Variants in CNTNAP4 observed in about 807,000 individuals in gnomAD.
CNTNAP4 encodes contactin associated protein family member 4.
Under a neutral mutation model 148.4 loss-of-function variants are expected in CNTNAP4, and 98 were observed. That is an observed-to-expected ratio of 0.66 (90% CI 0.56 to 0.78). The LOEUF is 0.78. Among genes scored for constraint, CNTNAP4 ranks in the 30% least tolerant of loss-of-function variants. The pLI, the probability that CNTNAP4 is intolerant of heterozygous loss-of-function variation, is 0.00. For missense variants in CNTNAP4, 1,935 were observed against 1,565.6 expected (o/e 1.24, Z -3.98); for synonymous variants, 730 against 565.1 (o/e 1.29, Z -4.14).
At chr16:76,308,644 T>C (rs1377121861) in intron 1 of CNTNAP4, among the ~76,000 whole-genome samples, 1 of 152,128 alleles carries the variant, frequency 6.6e-6, no homozygotes, top group Non-Finnish European at 1.5e-5. Flanking sequence ...AGAAATTAAT[T>C]TGCAGCTCTA....
chr16:76,309,149 C>G (rs570363429), intron 1 of CNTNAP4, among the ~76,000 whole-genome samples: 1 of 152,138 alleles, frequency 6.6e-6, no homozygotes, highest in South Asian at 2.1e-4. Flanking sequence ...TTTAAACATA[C>G]TTGTGTCTTC....
At chr16:76,287,355 A>G (rs1382607130) in intron 1 of CNTNAP4, among the ~76,000 whole-genome samples, 1 of 152,192 alleles carries the variant, frequency 6.6e-6, no homozygotes, top group Non-Finnish European at 1.5e-5. Context: ...ATAATTTGCT[A>G]CGCTTAACAC....
intron 9 of CNTNAP4, among the ~76,000 whole-genome samples, chr16:76,462,767 C>A (rs975161883): frequency 6.6e-6 from 1 of 152,184 alleles, no homozygotes; most frequent in Non-Finnish European, 1.5e-5. Context: ...AACAAATGTT[C>A]TTTTCCGTTA....
intron 11 of CNTNAP4, among the ~76,000 whole-genome samples, chr16:76,477,190 C>T (rs1480087207): frequency 6.6e-6 from 1 of 151,986 alleles, no homozygotes; most frequent in Non-Finnish European, 1.5e-5. Context: ...AACCAATATC[C>T]CTTTTTCCTG....
chr16:76,348,531 A>C (rs1168252671), intron 2 of CNTNAP4, among the ~76,000 whole-genome samples: 1 of 152,152 alleles, frequency 6.6e-6, no homozygotes, highest in Non-Finnish European at 1.5e-5. Context: ...AGAAACCAGC[A>C]ATGAGAGCGA....
Position 76,342,421 on chromosome 16 carries a change from A to T in CNTNAP4, c.197-12897A>T, listed in dbSNP as rs1446585682. ...TATGGTTGTCTATTGAGTTTGGCTG[A>T]CTCTACAAATATTATATTTCCTAAA... On this transcript the variant is annotated intron_variant, in intron 2 of 23. Coordinates refer to ENST00000611870, the MANE Select transcript of CNTNAP4 (RefSeq NM_033401.5). Among the ~76,000 whole-genome samples, 5 of 146,932 alleles carry T rather than the reference A, an allele frequency of 3.4e-5. No homozygotes were observed. In the East Asian group the frequency reaches 9.8e-4, roughly 29 times the overall value.
At chr16:76,465,249 C>G (rs1315264023) in intron 9 of CNTNAP4, among the ~76,000 whole-genome samples, 1 of 152,180 alleles carries the variant, frequency 6.6e-6, no homozygotes, top group Non-Finnish European at 1.5e-5. Flanking sequence ...TTAGGACTTT[C>G]ATCTCAAATT....
chr16:76,532,365 A>G (rs956259956), intron 17 of CNTNAP4, among the ~76,000 whole-genome samples: 6 of 152,198 alleles, frequency 3.9e-5, no homozygotes, highest in African/African-American at 7.2e-5. Flanking sequence ...CCTGTGGACC[A>G]ATCTTTGAAA....
chr16:76,494,013 C>T (rs1303783849), intron 13 of CNTNAP4, among the ~76,000 whole-genome samples: 1 of 152,000 alleles, frequency 6.6e-6, no homozygotes, highest in African/African-American at 2.4e-5. Flanking sequence ...CTTTGAGAAA[C>T]TGACTGATTC....
rs149885012 is a variant in CNTNAP4 at position 76,542,400 on chromosome 16, A to G, written c.3442+1610A>G. On this transcript the variant is annotated intron_variant, in intron 21 of 23. Transcript: ENST00000611870. ...AGAGGGTCTTATTCCATGTATAGCTATGGCATAGCGTAGGAAGCCAAAGAG... is the reference window on the plus strand; with the variant it reads ...AGAGGGTCTTATTCCATGTATAGCTGTGGCATAGCGTAGGAAGCCAAAGAG... Among the ~76,000 whole-genome samples, 85 of 152,296 alleles carry G rather than the reference A, an allele frequency of 5.6e-4. No homozygotes were observed. The East Asian group carries it at 0.015, about 26-fold the overall frequency.
intron 1 of CNTNAP4, among the ~76,000 whole-genome samples, chr16:76,295,489 T>TA (rs1410431194): frequency 6.6e-6 from 1 of 152,016 alleles, no homozygotes; most frequent in Non-Finnish European, 1.5e-5. Flanking sequence ...ATGGGAATGA[T>TA]AAAAAACAGG....
chr16:76,413,952 T>C (rs8061197), intron 3 of CNTNAP4, among the ~76,000 whole-genome samples: 123,752 of 151,066 alleles, frequency 0.82, 50,839 homozygotes, highest in Non-Finnish European at 0.85. Context: ...GCTAAACTAA[T>C]TCTATAGATT....
chr16:76,455,382 A>T (rs971109690), intron 8 of CNTNAP4, among the ~76,000 whole-genome samples: 2 of 152,102 alleles, frequency 1.3e-5, no homozygotes, highest in Non-Finnish European at 2.9e-5. Flanking sequence ...AGTATTTGAG[A>T]TGTTTCTGCA....
chr16:76,325,082 G>A (rs1185840968), intron 2 of CNTNAP4, among the ~76,000 whole-genome samples: 1 of 152,168 alleles, frequency 6.6e-6, no homozygotes, highest in Non-Finnish European at 1.5e-5. Context: ...ATCATGTAGT[G>A]AGCCTGACAT....
At chr16:76,476,097 C>A (rs941682446) in intron 11 of CNTNAP4, 52 bp downstream of exon 11, 9 of 1,285,048 alleles carry the variant, frequency 7.0e-6, no homozygotes, top group East Asian at 2.3e-5. Flanking sequence ...TTCTTTGTCC[C>A]ATTTCCCTTT....
At chr16:76,373,341 TAAAA>T (rs2015066045) in intron 3 of CNTNAP4, among the ~76,000 whole-genome samples, 1 of 152,100 alleles carries the variant, frequency 6.6e-6, no homozygotes, top group African/African-American at 2.4e-5. Context: ...CAAAAATATG[TAAAA>T]GAAACATTCT....
At chr16:76,471,523 C>G (rs572363490) in intron 10 of CNTNAP4, among the ~76,000 whole-genome samples, 35 of 152,246 alleles carry the variant, frequency 2.3e-4, no homozygotes, top group Non-Finnish European at 4.3e-4. Context: ...GTCACCTGTC[C>G]TTCCAATCCA....
At chr16:76,529,877 A>G (rs188481292) in intron 17 of CNTNAP4, among the ~76,000 whole-genome samples, 185 of 140,988 alleles carry the variant, frequency 1.3e-3, no homozygotes, top group African/African-American at 4.6e-3. Context: ...GTGTGTAAAC[A>G]TGTGTGTATT....
At chr16:76,301,702 G>A (rs1221266625) in intron 1 of CNTNAP4, among the ~76,000 whole-genome samples, 1 of 152,112 alleles carries the variant, frequency 6.6e-6, no homozygotes, top group Non-Finnish European at 1.5e-5. Context: ...AAAGAGGAAA[G>A]ATTTATTGGC....
Sources: gnomAD v4.1 joint callset for allele counts (sites outside exome capture counted in the v4.1 genomes callset) on GRCh38, gnomAD v4.1.1 for gene constraint, MANE v1.5 for transcripts, NCBI Gene and HGNC (gene_info 2026-07-23, HGNC 2026-07-21) for gene names.